The following TEN1 variants were observed in gnomAD, a reference collection of about 807,000 sequenced individuals.
The protein encoded by TEN1 is TEN1 subunit of CST complex.
Under a neutral mutation model 9.3 loss-of-function variants are expected in TEN1, and 6 were observed. The observed-to-expected ratio is 0.65, with a 90% CI of 0.35 to 1.27. TEN1 has a LOEUF of 1.27. Among genes scored for constraint, TEN1 ranks in the 50% most tolerant of loss-of-function variants. TEN1 has a pLI of 0.03. For missense variants in TEN1, 149 were observed against 158.2 expected, an observed-to-expected ratio of 0.94 and a Z score of 0.31; for synonymous variants, 65 against 65.6, an observed-to-expected ratio of 0.99 and a Z score of 0.04.
chr17:75,989,977 G>A (rs1048824793), intron 2 of TEN1, among the ~76,000 whole-genome samples: 6 of 150,722 alleles, frequency 4.0e-5, no homozygotes, highest in Admixed American at 4.0e-4. Context: ...TAACACCTGG[G>A]CTCAAGCAAT....
intron 3 of TEN1, among the ~76,000 whole-genome samples, chr17:75,995,220 C>CA (rs57034018): frequency 0.078 from 9,469 of 120,810 alleles, 424 homozygotes; most frequent in African/African-American, 0.15. Flanking sequence ...GACCCTGTTT[C>CA]AAAAAAAAAA....
At chr17:75,981,708 G>C (rs1229420757) in intron 1 of TEN1, among the ~76,000 whole-genome samples, 2 of 151,522 alleles carry the variant, frequency 1.3e-5, no homozygotes, top group South Asian at 4.2e-4. Flanking sequence ...AGAAAACAGA[G>C]TCATTTACCC....
intron 2 of TEN1, among the ~76,000 whole-genome samples, chr17:75,988,418 C>T (rs987114173): frequency 6.6e-6 from 1 of 151,100 alleles, no homozygotes; most frequent in African/African-American, 2.4e-5. Context: ...AAAAATTAGC[C>T]AGGCATGGCA....
chr17:75,988,255 AAG>A (rs1161785027), intron 2 of TEN1, among the ~76,000 whole-genome samples: 3 of 151,472 alleles, frequency 2.0e-5, no homozygotes, highest in Admixed American at 6.6e-5. Context: ...AAAAAAAAAA[AAG>A]AAGTATTTTA....
rs913721793 is a variant in TEN1, at chr17:75,993,953, C to T, written c.250+2330C>T. ...GGAGGAGGTTGCAGTGAGCGGAGAT[C>T]GTGCCACTGCACTCCAGCCTGGCAG... On this transcript the variant is annotated intron_variant, in intron 3 of 3. Coordinates refer to ENST00000397640, the MANE Select transcript of TEN1 (RefSeq NM_001113324.3). Among the ~76,000 whole-genome samples, 7 of 151,136 alleles carry T rather than the reference C, an allele frequency of 4.6e-5. No individual in the cohort carries two copies. The East Asian group carries it at 6.0e-4, about 13-fold the overall frequency.
rs200875806 is a variant in TEN1, at chr17:75,991,577, G to A, written c.204G>A (p.Gln68=). ...AGTTGGTGGAGCCCTTCCACGCCCA[G>A]GTGGGCTCCCTGTACATCGTCCTCG... is the stretch of plus-strand genomic sequence containing the variant. The part of the protein sequence containing the change: ...CTKLVEPFHA[Q]VGSLYIVLGE... Residue 68 remains glutamine, a synonymous_variant, in exon 3 of 4, where the codon CAG becomes CAA. Coordinates refer to ENST00000397640, the MANE Select transcript of TEN1 (RefSeq NM_001113324.3). The A allele has an allele frequency of 1.1e-3, 1,678 of 1,552,154 alleles. 11 individuals carry two copies. The Middle Eastern group carries it at 0.027, about 25-fold the overall frequency.
At chr17:75,999,806 G>C (rs536115171) in intron 3 of TEN1, among the ~76,000 whole-genome samples, 1 of 151,952 alleles carries the variant, frequency 6.6e-6, no homozygotes, top group Non-Finnish European at 1.5e-5. Context: ...CAAACTTACC[G>C]GGAGCTCAGT....
chr17:76,000,142 C>T lies in TEN1; in HGVS notation c.252C>T (p.Asp84=), dbSNP rs1430498211. ...IVLGELQHQQ[D]RGSVVKARVL... ...CGTGCCCTGGTGTTTGTCTTGCAGA[C>T]AGAGGCTCCGTGGTGAAGGCGCGCG... Residue 84 remains aspartate, a splice_region_variant and synonymous_variant, in exon 4 of 4, where the codon GAC becomes GAT. Transcript: ENST00000397640. The surrounding 1 kb of genome is among the most constrained non-coding windows in gnomAD (Gnocchi z 5.9). 1.3e-6 allele frequency: 2 copies of T among 1,551,016 alleles called. No homozygotes were observed. Among genetic ancestry groups the T allele is most frequent in the South Asian group, 2.4e-5 (2 of 84,020 alleles).
intron 1 of TEN1, among the ~76,000 whole-genome samples, chr17:75,981,134 T>G (rs1167450731): frequency 6.6e-6 from 1 of 152,146 alleles, no homozygotes; most frequent in African/African-American, 2.4e-5. Flanking sequence ...AATTTCAAAT[T>G]TACACGAGAA....
At chr17:75,981,140 G>A (rs1431230585) in intron 1 of TEN1, among the ~76,000 whole-genome samples, 4 of 151,950 alleles carry the variant, frequency 2.6e-5, no homozygotes, top group Admixed American at 6.6e-5. Context: ...AAATTTACAC[G>A]AGAATTACAA....
At chr17:75,992,070 AC>A (rs1729762218) in intron 3 of TEN1, among the ~76,000 whole-genome samples, 1 of 134,032 alleles carries the variant, frequency 7.5e-6, no homozygotes, top group African/African-American at 3.8e-5. Context: ...AAAAAAAAAG[AC>A]AGGTACAGTG....
intron 3 of TEN1, among the ~76,000 whole-genome samples, chr17:75,996,568 G>A (rs1308510899): frequency 4.6e-5 from 7 of 151,914 alleles, no homozygotes; most frequent in Middle Eastern, 3.4e-3. Context: ...AGCAGGGTGC[G>A]TTGTTGCACA....
chr17:75,991,315 A>T (rs951176360), intron 2 of TEN1, 151 bp from the exon 3 acceptor site: 2 of 789,568 alleles, frequency 2.5e-6, no homozygotes. Context: ...AGACTGAAAC[A>T]TTTTTTTCTG....
Position 76,000,530 on chromosome 17 carries a change from C to A in TEN1, c.*268C>A. On this transcript the variant is annotated 3_prime_UTR_variant, in exon 4 of 4. Coordinates refer to ENST00000397640, the MANE Select transcript of TEN1 (RefSeq NM_001113324.3). The surrounding 1 kb of genome is among the most constrained non-coding windows in gnomAD (Gnocchi z 5.9). ...CGCCGGGGCCGTGCTTGGTGTGGGG[C>A]CATGGAGGGTTCCAGAAGGTCCTGG... is the stretch of plus-strand genomic sequence containing the variant. The A allele has an allele frequency of 2.3e-6, 1 of 434,226 alleles. No individual in the cohort carries two copies. The highest frequency in any genetic ancestry group is 4.1e-6 in the Non-Finnish European group (1 of 244,624). The allele number at this position is 434,226 out of a possible 1,614,324, so 26.9% of individuals were successfully genotyped here.
At chr17:75,995,042 T>G (rs972928830) in intron 3 of TEN1, among the ~76,000 whole-genome samples, 4 of 151,868 alleles carry the variant, frequency 2.6e-5, no homozygotes, top group African/African-American at 9.7e-5. Flanking sequence ...GGCAACATAG[T>G]GAGACCCCAT....
chr17:75,992,801 C>T (rs898977966), intron 3 of TEN1, among the ~76,000 whole-genome samples: 32 of 133,688 alleles, frequency 2.4e-4, no homozygotes, highest in Non-Finnish European at 3.8e-4. Flanking sequence ...CGTGAGCCAC[C>T]GTTTTTTTTT....
At chr17:75,989,278 GT>G (rs936936840) in intron 2 of TEN1, among the ~76,000 whole-genome samples, 5 of 138,152 alleles carry the variant, frequency 3.6e-5, no homozygotes, top group Non-Finnish European at 3.2e-5. Context: ...TTTTTTTTTT[GT>G]TTTTTTTTTG....
chr17:76,000,210 A>G lies in TEN1; in HGVS notation c.320A>G (p.Gln107Arg). 6.4e-7 allele frequency: 1 copy of G among 1,551,454 alleles called. No homozygotes were observed. Among genetic ancestry groups the G allele is most frequent in the South Asian group, 1.2e-5 (1 of 84,056 alleles). The change falls in exon 4 of 4, where the codon CAA (glutamine) becomes CGA (arginine). Residue 107 changes from glutamine to arginine, a missense_variant. Transcript: ENST00000397640. This position sits in a 1 kb window ranked among gnomAD's most constrained non-coding sequence, Gnocchi z 5.9. ...GGGATGAACCTGCCCTTGTTGGAACAAGCCATCCGGGAGCAGAGACTGTAC... is the reference window on the plus strand; with the variant it reads ...GGGATGAACCTGCCCTTGTTGGAACGAGCCATCCGGGAGCAGAGACTGTAC... Reference protein sequence around the residue: ...VEGMNLPLLEQAIREQRLYKQ... With the variant: ...VEGMNLPLLERAIREQRLYKQ...
chr17:75,985,122 C>G (rs1299244120), intron 1 of TEN1: 1 of 152,136 alleles, frequency 6.6e-6, no homozygotes, highest in Admixed American at 6.6e-5. Context: ...CCATTCTGGG[C>G]CACACATAGC....
Sources: gnomAD v4.1 joint callset for allele counts (sites outside exome capture counted in the v4.1 genomes callset) on GRCh38, gnomAD v4.1.1 for gene constraint, Gnocchi (gnomAD v3.1) non-coding constraint, MANE v1.5 for transcripts, NCBI Gene and HGNC (gene_info 2026-07-23, HGNC 2026-07-21) for gene names.